Variants in DLGAP2 observed in about 807,000 individuals in gnomAD.
The protein encoded by DLGAP2 is disks large-associated protein 2.
In DLGAP2, 26 loss-of-function variants were observed where a neutral mutation model predicts 100.3. The ratio of observed to expected loss-of-function variants is 0.26; its 90% confidence interval spans 0.19 to 0.36. The LOEUF (loss-of-function observed/expected upper bound fraction) is 0.36. DLGAP2 is among the 10% of genes least tolerant of loss of function. The pLI, the probability that DLGAP2 is intolerant of heterozygous loss-of-function variation, is 1.00. For missense variants in DLGAP2, 1,858 were observed against 1,453.2 expected (o/e 1.28, Z -4.53); for synonymous variants, 886 against 630.1 (o/e 1.41, Z -6.08).
chr8:1,548,719 C>G lies in DLGAP2; in HGVS notation c.266C>G (p.Thr89Ser), dbSNP rs1801638464. Residue 89 changes from threonine to serine, a missense_variant, in exon 5 of 15, where the codon ACC (threonine) becomes AGC (serine). Coordinates refer to ENST00000637795, the MANE Select transcript of DLGAP2 (RefSeq NM_001346810.2). ...RSMKGLSGSRTQPPLCSGHTC... is the reference protein window; with the variant it reads ...RSMKGLSGSRSQPPLCSGHTC... ...ATGAAGGGCCTTTCCGGAAGTCGGA[C>G]CCAGCCGCCGCTGTGTTCCGGGCAC... 3.1e-6 allele frequency: 5 copies of G among 1,606,844 alleles called. No homozygotes were observed. The African/African-American group carries it at 5.4e-5, about 17-fold the overall frequency.
chr8:983,893 G>C (rs1800413152), intron 2 of DLGAP2, among the ~76,000 whole-genome samples: 1 of 152,104 alleles, frequency 6.6e-6, no homozygotes, highest in Non-Finnish European at 1.5e-5. Flanking sequence ...TCTTGCCTTG[G>C]GCTCCCAAAG....
At chr8:1,160,124 C>T (rs974154353) in intron 2 of DLGAP2, among the ~76,000 whole-genome samples, 2 of 152,186 alleles carry the variant, frequency 1.3e-5, no homozygotes. Context: ...CCCGTGGGTT[C>T]GGAATTGCTC....
Position 1,548,760 on chromosome 8 carries a change from C to G in DLGAP2, c.307C>G (p.Pro103Ala). 6.2e-7 allele frequency: 1 copy of G among 1,601,140 alleles called. No homozygotes were observed. Among genetic ancestry groups the G allele is most frequent in the Non-Finnish European group, 8.5e-7 (1 of 1,176,008 alleles). ...TTCCGGGCACACGTGTGGTCTGGCG[C>G]CCCCGGAGGACTGCGAGCACCTGCA... Reference protein sequence around the residue: ...LCSGHTCGLAPPEDCEHLHHG... With the variant: ...LCSGHTCGLAAPEDCEHLHHG... Residue 103 changes from proline (P) to alanine (A), a missense_variant, in exon 5 of 15, where the codon CCC becomes GCC. By Grantham distance (27) the Pro-to-Ala change is conservative. Transcript: ENST00000637795.
chr8:1,565,784 CG>C lies in DLGAP2; in HGVS notation c.1333del (p.Glu445ArgfsTer24). The C allele has an allele frequency of 6.2e-7, 1 of 1,613,772 alleles. No homozygotes were observed. The highest frequency in any genetic ancestry group is 8.5e-7 in the Non-Finnish European group (1 of 1,179,846). On this transcript the variant is annotated frameshift_variant, in exon 6 of 15. Transcript: ENST00000637795. LOFTEE classifies it high-confidence loss of function. ...SGSYIKAMGD[E>X]ESGESDSSPK... ...GGAGTTACATTAAAGCCATGGGGGA[CG>C]AGGAGAGCGGAGAGTCAGACTCCAG...
At chr8:894,257 G>A (rs918119034) in intron 1 of DLGAP2, among the ~76,000 whole-genome samples, 3 of 152,162 alleles carry the variant, frequency 2.0e-5, no homozygotes, top group African/African-American at 7.2e-5. Flanking sequence ...CCAGCCCTTA[G>A]ACTTGGAGGT....
chr8:1,120,215 A>T (rs529823649), intron 2 of DLGAP2, among the ~76,000 whole-genome samples: 5 of 152,268 alleles, frequency 3.3e-5, no homozygotes, highest in East Asian at 1.9e-4. Flanking sequence ...GCCATCCTCC[A>T]TGCAGCTGCT....
rs144448124 is a variant in DLGAP2, at chr8:1,011,579, C to G, written c.73+103613C>G. 4.3e-4 allele frequency among the ~76,000 whole-genome samples: 61 copies of G among 142,860 alleles called. 1 individual carries two copies. The highest frequency in any genetic ancestry group is 4.4e-3 in the Middle Eastern group (1 of 228). The allele number at this position is 142,860 out of a possible 152,430, so 93.7% of individuals were successfully genotyped here. ...GAGCCCTGGAATGAGGAGTCTCAGTCTACACAGTGAGCCCTGGACGAGGTT... is the reference window on the plus strand; with the variant it reads ...GAGCCCTGGAATGAGGAGTCTCAGTGTACACAGTGAGCCCTGGACGAGGTT... On this transcript the variant is annotated intron_variant, in intron 2 of 14. Transcript: ENST00000637795.
At chr8:988,213 CA>C (rs752239925) in intron 2 of DLGAP2, among the ~76,000 whole-genome samples, 1 of 152,118 alleles carries the variant, frequency 6.6e-6, no homozygotes, top group Non-Finnish European at 1.5e-5. Context: ...CTTTAGTATT[CA>C]GATAGAGAAA....
chr8:855,029 T>G (rs1335483854), intron 1 of DLGAP2, among the ~76,000 whole-genome samples: 1 of 151,932 alleles, frequency 6.6e-6, no homozygotes, highest in African/African-American at 2.4e-5. Flanking sequence ...CCGGCAGTAG[T>G]GGGTCCGGGA....
intron 4 of DLGAP2, among the ~76,000 whole-genome samples, chr8:1,516,025 G>GTGAA (rs1457997533): frequency 2.8e-5 from 4 of 144,416 alleles, no homozygotes; most frequent in Non-Finnish European, 6.3e-5. Flanking sequence ...GCATGAATGA[G>GTGAA]TGAGTGAATG....
intron 2 of DLGAP2, among the ~76,000 whole-genome samples, chr8:960,496 A>G: frequency 6.6e-6 from 1 of 151,826 alleles, no homozygotes; most frequent in African/African-American, 2.4e-5. Context: ...TGGCCTCCCA[A>G]AGTGCTGGGA....
intron 3 of DLGAP2, among the ~76,000 whole-genome samples, chr8:1,324,599 C>T (rs554986701): frequency 3.9e-4 from 60 of 152,256 alleles, no homozygotes; most frequent in African/African-American, 1.3e-3. Flanking sequence ...TCTTAAGCTG[C>T]GTGGTTTGCA....
intron 3 of DLGAP2, among the ~76,000 whole-genome samples, chr8:1,287,439 G>GTGTGT (rs1316630693): frequency 2.5e-5 from 3 of 119,606 alleles, no homozygotes; most frequent in Non-Finnish European, 1.7e-5. Context: ...GTGTGTGTGT[G>GTGTGT]GTTGTTAGGA....
At chr8:1,636,036 A>G (rs1797758250) in intron 8 of DLGAP2, among the ~76,000 whole-genome samples, 2 of 152,214 alleles carry the variant, frequency 1.3e-5, no homozygotes, top group African/African-American at 2.4e-5. Flanking sequence ...CGTTTCTCTC[A>G]TTATGAAAAA....
Position 1,064,137 on chromosome 8 carries a change from G to GT in DLGAP2, c.73+156172dup, listed in dbSNP as rs1169917796. 2.0e-5 allele frequency among the ~76,000 whole-genome samples: 3 copies of GT among 152,224 alleles called. No individual in the cohort carries two copies. In the South Asian group the frequency reaches 6.2e-4, roughly 31 times the overall value. ...GGTCATGGGGACAATCCAATGGCTG[G>GT]TGGGGCGGTGTGGGACTATTTTACT... On this transcript the variant is annotated intron_variant, in intron 2 of 14. Transcript: ENST00000637795.
chr8:1,516,441 G>A (rs1249473671), intron 4 of DLGAP2, among the ~76,000 whole-genome samples: 2 of 98,688 alleles, frequency 2.0e-5, no homozygotes, highest in Non-Finnish European at 4.6e-5. Context: ...GTGGGTGACT[G>A]AGGGAAAGAG....
chr8:1,552,805 G>T (rs149147642), intron 5 of DLGAP2, among the ~76,000 whole-genome samples: 3 of 152,352 alleles, frequency 2.0e-5, no homozygotes, highest in African/African-American at 7.2e-5. Flanking sequence ...TACAGAGTAT[G>T]TGGTTCACAT....
chr8:1,118,244 TGAGCTCGGGG>T (rs1795942354), intron 2 of DLGAP2, among the ~76,000 whole-genome samples: 1 of 152,224 alleles, frequency 6.6e-6, no homozygotes, highest in African/African-American at 2.4e-5. Context: ...AAGTAGGATG[TGAGCTCGGGG>T]GAACTTCTTC....
chr8:867,856 TA>T (rs1797527356), intron 1 of DLGAP2, among the ~76,000 whole-genome samples: 1 of 152,262 alleles, frequency 6.6e-6, no homozygotes, highest in African/African-American at 2.4e-5. Flanking sequence ...GCGGTGTGTT[TA>T]GTTTTCCACG....
Sources: gnomAD v4.1 joint callset for allele counts (sites outside exome capture counted in the v4.1 genomes callset) on GRCh38, gnomAD v4.1.1 for gene constraint, MANE v1.5 for transcripts, NCBI Gene and HGNC (gene_info 2026-07-23, HGNC 2026-07-21) for gene names.